CRYZL1: variants seen among roughly 807,000 people sequenced by gnomAD.
CRYZL1 encodes crystallin zeta like 1, also known as ferry endosomal RAB5 effector complex subunit 4.
In CRYZL1, 34 loss-of-function variants were observed where a neutral mutation model predicts 50.6. That is an observed-to-expected ratio of 0.67 (90% CI 0.51 to 0.89). The LOEUF is 0.89. CRYZL1 is among the 40% of genes least tolerant of loss of function. The pLI, the probability that CRYZL1 is intolerant of heterozygous loss-of-function variation, is 0.00. For missense variants in CRYZL1, 354 were observed against 402.3 expected (o/e 0.88, Z 1.03); for synonymous variants, 125 against 134.3 (o/e 0.93, Z 0.48).
chr21:33,629,411 G>A (rs1326811312), intron 2 of CRYZL1, among the ~76,000 whole-genome samples: 1 of 152,112 alleles, frequency 6.6e-6, no homozygotes, highest in East Asian at 1.9e-4. Flanking sequence ...AGAGGCGCAC[G>A]CCACCACACC....
At chr21:33,602,551 G>C (rs1181093746) in intron 7 of CRYZL1, among the ~76,000 whole-genome samples, 1 of 152,180 alleles carries the variant, frequency 6.6e-6, no homozygotes, top group Non-Finnish European at 1.5e-5. Context: ...AAGGGGTGGT[G>C]GAAAAGCTGC....
chr21:33,609,791 C>G (rs1230864453), intron 6 of CRYZL1, among the ~76,000 whole-genome samples: 1 of 151,254 alleles, frequency 6.6e-6, no homozygotes, highest in African/African-American at 2.4e-5. Flanking sequence ...CAAGCTCCAC[C>G]TCCCAGGTTC....
rs764185960 is a variant in CRYZL1 at position 33,600,933 on chromosome 21, G to GTTTTTTTTTTTTTTTTTTTTTTTTT, written c.577+1300_577+1301insAAAAAAAAAAAAAAAAAAAAAAAAA. Reference sequence around the variant, plus strand: ...TGAGCCACTGTGCCCGGTCCATAAAGTTTTTTTTTTTTTTTTTTTTGGGGG... The same window carrying GTTTTTTTTTTTTTTTTTTTTTTTTT: ...TGAGCCACTGTGCCCGGTCCATAAAGTTTTTTTTTTTTTTTTTTTTTTTTTTTTTTTTTTTTTTTTTTTTTGGGGG... On this transcript the variant is annotated intron_variant, in intron 8 of 12. Transcript: ENST00000381554. Among the ~76,000 whole-genome samples the GTTTTTTTTTTTTTTTTTTTTTTTTT allele has an allele frequency of 3.4e-5, 2 of 59,520 alleles. 1 individual carries two copies. 39.0% of individuals were successfully genotyped at this position (59,520 alleles called of 152,430 possible). A position where few individuals can be genotyped will look rare whatever the true frequency, so the allele number is the denominator to read the frequency against.
intron 11 of CRYZL1, among the ~76,000 whole-genome samples, chr21:33,593,885 T>C (rs1448414711): frequency 7.0e-6 from 1 of 143,160 alleles, no homozygotes; most frequent in African/African-American, 2.6e-5. Flanking sequence ...CTCAGGAGGC[T>C]GAGACAGGAG....
intron 1 of CRYZL1, among the ~76,000 whole-genome samples, chr21:33,638,492 C>T (rs759124613): frequency 6.6e-6 from 1 of 152,168 alleles, no homozygotes; most frequent in Non-Finnish European, 1.5e-5. Context: ...GGATTACAGG[C>T]GTGAGCCACT....
At chr21:33,598,806 GTTTT>G (rs775141021) in intron 9 of CRYZL1, among the ~76,000 whole-genome samples, 3 of 125,694 alleles carry the variant, frequency 2.4e-5, no homozygotes, top group African/African-American at 5.8e-5. Flanking sequence ...ACATTTTTGA[GTTTT>G]TTTTTTTTTT....
intron 4 of CRYZL1, among the ~76,000 whole-genome samples, chr21:33,619,129 T>C (rs1222109155): frequency 6.6e-6 from 1 of 152,238 alleles, no homozygotes; most frequent in African/African-American, 2.4e-5. Context: ...CATCTTCCTT[T>C]ATCAAATGTT....
chr21:33,618,288 C>CAAAAA (rs35810127), intron 4 of CRYZL1, among the ~76,000 whole-genome samples: 17 of 91,100 alleles, frequency 1.9e-4, no homozygotes, highest in East Asian at 3.1e-4. Context: ...GACTCCGTCT[C>CAAAAA]AAAAAAAAAA....
intron 2 of CRYZL1, among the ~76,000 whole-genome samples, chr21:33,625,932 A>G (rs1158688196): frequency 6.6e-6 from 1 of 151,770 alleles, no homozygotes; most frequent in African/African-American, 2.4e-5. Flanking sequence ...AAGTGCTGGG[A>G]TTACAGGTAT....
rs1482429649 is a variant in CRYZL1 at position 33,616,770 on chromosome 21, AAT to A, written c.218-22_218-21del. The A allele has an allele frequency of 1.3e-6, 2 of 1,561,434 alleles. No individual in the cohort carries two copies. ...TTCCAACTAAAGAGTGAAGAAAATT[AAT>A]AGTTAATATTACAAGTTTATTAAAT... On this transcript the variant is annotated intron_variant, in intron 4 of 12. Coordinates refer to ENST00000381554, the MANE Select transcript of CRYZL1 (RefSeq NM_145858.3).
At chr21:33,608,239 G>A (rs780138215) in intron 6 of CRYZL1, among the ~76,000 whole-genome samples, 1 of 152,208 alleles carries the variant, frequency 6.6e-6, no homozygotes, top group Non-Finnish European at 1.5e-5. Context: ...CAGGTCACCT[G>A]AGGTCAGGAG....
intron 11 of CRYZL1, chr21:33,595,267 T>C: frequency 1.0e-6 from 1 of 1,001,042 alleles, no homozygotes; most frequent in South Asian, 1.7e-5. Flanking sequence ...GCATTGATAT[T>C]TATAAAACAC....
chr21:33,614,654 C>T (rs2086909144), intron 5 of CRYZL1, among the ~76,000 whole-genome samples: 1 of 152,192 alleles, frequency 6.6e-6, no homozygotes, highest in African/African-American at 2.4e-5. Flanking sequence ...CCACTGCAAC[C>T]TCCGCCTCCT....
intron 3 of CRYZL1, among the ~76,000 whole-genome samples, chr21:33,623,652 C>T (rs947387959): frequency 2.8e-4 from 43 of 152,082 alleles, no homozygotes; most frequent in Admixed American, 9.2e-4. Context: ...CTGTAATTTC[C>T]TAAGTGTGAC....
Position 33,590,587 on chromosome 21 carries a change from C to G in CRYZL1, c.950+575G>C, listed in dbSNP as rs137916927. Among the ~76,000 whole-genome samples, 997 of 150,980 alleles carry G rather than the reference C, an allele frequency of 6.6e-3. 9 individuals are homozygous for G. Among genetic ancestry groups the G allele is most frequent in the African/African-American group, 0.02 (805 of 41,128 alleles). On this transcript the variant is annotated intron_variant, in intron 12 of 12. Transcript: ENST00000381554. ...TCGCCACCACGCTCAGCGAATTTTT[C>G]TATTTTTTAGTAGAGACAGTGTTTT...
intron 4 of CRYZL1, 46 bp downstream of exon 4, chr21:33,621,949 CT>C: frequency 7.3e-7 from 1 of 1,374,566 alleles, no homozygotes; most frequent in Non-Finnish European, 1.0e-6. Context: ...CATTTAATCT[CT>C]TTTACCTTAG....
At position 33,603,525 on chromosome 21, in the gene CRYZL1, T is replaced by G. The variant is rs1360794921; in HGVS notation, c.344A>C (p.Glu115Ala). 3.7e-6 allele frequency: 6 copies of G among 1,613,982 alleles called. No homozygotes were observed. Among genetic ancestry groups the G allele is most frequent in the Non-Finnish European group, 3.4e-6 (4 of 1,180,046 alleles). Reference protein sequence around the residue: ...VHEHYLVHKPEKVTWTEAAGS... With the variant: ...VHEHYLVHKPAKVTWTEAAGS... Reference sequence around the variant, plus strand: ...TGCTGCTTCCGTCCATGTGACCTTTTCTGGTTTATGAACTATCATAAAGAA... The same window carrying G: ...TGCTGCTTCCGTCCATGTGACCTTTGCTGGTTTATGAACTATCATAAAGAA... Residue 115 changes from glutamate to alanine, a missense_variant, in exon 7 of 13, where the codon GAA becomes GCA. Transcript: ENST00000381554.
At chr21:33,596,130 C>A in intron 10 of CRYZL1, 1 of 572,350 alleles carries the variant, frequency 1.7e-6, no homozygotes, top group East Asian at 4.2e-5. Context: ...GTTGGAAAAT[C>A]AGTGAAGATT....
Position 33,636,741 on chromosome 21 carries a change from A to T in CRYZL1, c.-7+4940T>A, listed in dbSNP as rs184213679. On this transcript the variant is annotated intron_variant, in intron 1 of 12. Coordinates refer to ENST00000381554, the MANE Select transcript of CRYZL1 (RefSeq NM_145858.3). ...ATGGGAAGTAGTTTCAAATGGTTTC[A>T]TCCTTCTTATAATAGCAACATGAAC... Among the ~76,000 whole-genome samples, 5 of 152,328 alleles carry T rather than the reference A, an allele frequency of 3.3e-5. No homozygotes were observed. The East Asian group carries it at 9.6e-4, about 29-fold the overall frequency.
Sources: gnomAD v4.1 joint callset for allele counts (sites outside exome capture counted in the v4.1 genomes callset) on GRCh38, gnomAD v4.1.1 for gene constraint, MANE v1.5 for transcripts, NCBI Gene and HGNC (gene_info 2026-07-23, HGNC 2026-07-21) for gene names.